TCF4: variants seen among roughly 807,000 people sequenced by gnomAD.
TCF4 encodes SL3-3 enhancer factor 2.
Under a neutral mutation model 82.1 loss-of-function variants are expected in TCF4, and 3 were observed. That is an observed-to-expected ratio of 0.04 (90% confidence interval 0.02 to 0.09). TCF4 has a LOEUF of 0.09. TCF4 is among the 10% of genes least tolerant of loss of function. The pLI is 1.00. For synonymous variants in TCF4, 276 were observed against 309.6 expected (o/e 0.89, Z 1.14); for missense variants, 518 against 852.7 (o/e 0.61, Z 4.89).
At chr18:55,500,937 T>C (rs1304744045) in intron 3 of TCF4, among the ~76,000 whole-genome samples, 2 of 152,154 alleles carry the variant, frequency 1.3e-5, no homozygotes, top group African/African-American at 2.4e-5. Context: ...GAAAGACAAG[T>C]GATAAAGAAA....
At chr18:55,365,360 C>T (rs2086736327) in intron 6 of TCF4, among the ~76,000 whole-genome samples, 1 of 150,624 alleles carries the variant, frequency 6.6e-6, no homozygotes, top group Non-Finnish European at 1.5e-5. Context: ...AGGCTTACTT[C>T]CTTACTGCTT....
At chr18:55,424,840 C>G (rs911727580) in intron 5 of TCF4, among the ~76,000 whole-genome samples, 2 of 152,132 alleles carry the variant, frequency 1.3e-5, no homozygotes, top group Admixed American at 1.3e-4. Flanking sequence ...TGGATACTTT[C>G]CCCAGCTTTA....
chr18:55,360,803 C>A (rs1053385451), intron 6 of TCF4, among the ~76,000 whole-genome samples: 1 of 140,296 alleles, frequency 7.1e-6, no homozygotes, highest in Non-Finnish European at 1.5e-5. Flanking sequence ...TCTTGGCTCA[C>A]TGCAACCTCC....
chr18:55,226,421 G>A lies in TCF4; in HGVS notation c.*1614C>T, dbSNP rs1360450168. On this transcript the variant is annotated 3_prime_UTR_variant, in exon 20 of 20. Coordinates refer to ENST00000354452, the MANE Select transcript of TCF4 (RefSeq NM_001083962.2). ...AAAGTCAATCATTATAAAGATTCAC[G>A]ATGGAAGTTGGTTCAATTGTGCCCA... 1.3e-5 allele frequency: 2 copies of A among 152,518 alleles called. No homozygotes were observed. The highest frequency in any genetic ancestry group is 2.9e-5 in the Non-Finnish European group (2 of 68,004). 9.4% of individuals were successfully genotyped at this position (152,518 alleles called of 1,614,324 possible).
intron 5 of TCF4, among the ~76,000 whole-genome samples, chr18:55,458,730 G>T (rs1478498649): frequency 6.6e-6 from 1 of 152,118 alleles, no homozygotes; most frequent in African/African-American, 2.4e-5. Context: ...ATAGCGATGG[G>T]AAGTTTTTAA....
rs899346229 is a variant in TCF4, at chr18:55,322,207, T to G, written c.549+28152A>C. On this transcript the variant is annotated intron_variant, in intron 8 of 19. Transcript: ENST00000354452. ...GTAAAAGTGGAACAGGGTCCATTATTGAGCAGAATACAAATGCAGTTAATT... is the reference window on the plus strand; with the variant it reads ...GTAAAAGTGGAACAGGGTCCATTATGGAGCAGAATACAAATGCAGTTAATT... 9 of 1,063,482 alleles carry G rather than the reference T, an allele frequency of 8.5e-6. No individual in the cohort carries two copies. The African/African-American group carries it at 1.3e-4, about 16-fold the overall frequency. The allele number at this position is 1,063,482 out of a possible 1,614,324, so 65.9% of individuals were successfully genotyped here. A position where few individuals can be genotyped will look rare whatever the true frequency, so the allele number is the denominator to read the frequency against.
chr18:55,464,901 T>A (rs1455765261), intron 3 of TCF4, among the ~76,000 whole-genome samples: 1 of 152,170 alleles, frequency 6.6e-6, no homozygotes, highest in Non-Finnish European at 1.5e-5. Context: ...CCAGCAAAGT[T>A]TTAATGCTGA....
At chr18:55,463,013 T>C (rs1478346252) in intron 4 of TCF4, among the ~76,000 whole-genome samples, 1 of 152,162 alleles carries the variant, frequency 6.6e-6, no homozygotes, top group African/African-American at 2.4e-5. Flanking sequence ...CTGCCTCTTA[T>C]GCCAAAATGG....
intron 3 of TCF4, among the ~76,000 whole-genome samples, chr18:55,570,211 A>G (rs944499846): frequency 1.8e-4 from 28 of 152,340 alleles, no homozygotes; most frequent in African/African-American, 6.7e-4. Context: ...TCCCAACTGC[A>G]TGGAAAACTT....
At chr18:55,531,166 C>T (rs1339992009) in intron 3 of TCF4, among the ~76,000 whole-genome samples, 1 of 151,950 alleles carries the variant, frequency 6.6e-6, no homozygotes, top group Non-Finnish European at 1.5e-5. Context: ...GTTGGCGAGG[C>T]TGGTCTCCAA....
chr18:55,443,905 A>C (rs2095482934), intron 5 of TCF4, among the ~76,000 whole-genome samples: 1 of 152,138 alleles, frequency 6.6e-6, no homozygotes. Flanking sequence ...GCATTACCTC[A>C]TTTACTTCAC....
At position 55,227,309 on chromosome 18, in the gene TCF4, A is replaced by AT. The variant is rs1029665519; in HGVS notation, c.*725dup. 1 of 150,816 alleles carries AT rather than the reference A, an allele frequency of 6.6e-6. No homozygotes were observed. The highest frequency in any genetic ancestry group is 1.5e-5 in the Non-Finnish European group (1 of 67,740). 9.3% of individuals were successfully genotyped at this position (150,816 alleles called of 1,614,324 possible). On this transcript the variant is annotated 3_prime_UTR_variant, in exon 20 of 20. Transcript: ENST00000354452. ...TCTTTTAAAAAAGTTAATCAGTACT[A>AT]TTTTTTTACAGGAGAAAAAAGTCTG...
Position 55,224,246 on chromosome 18 carries a change from C to G in TCF4, c.*3789G>C, listed in dbSNP as rs2046306065. ...AAGGCCACAGTTCATATATTTTCACCATTACATATGTCTATAATACTTGAA... is the reference window on the plus strand; with the variant it reads ...AAGGCCACAGTTCATATATTTTCACGATTACATATGTCTATAATACTTGAA... On this transcript the variant is annotated 3_prime_UTR_variant, in exon 20 of 20. Transcript: ENST00000354452. 1 of 151,926 alleles carries G rather than the reference C, an allele frequency of 6.6e-6. No homozygotes were observed. The highest frequency in any genetic ancestry group is 1.5e-5 in the Non-Finnish European group (1 of 67,918). 9.4% of individuals were successfully genotyped at this position (151,926 alleles called of 1,614,324 possible). A position where few individuals can be genotyped will look rare whatever the true frequency, so the allele number is the denominator to read the frequency against.
intron 1 of TCF4, among the ~76,000 whole-genome samples, chr18:55,587,436 G>A (rs1358339428): frequency 7.5e-6 from 1 of 134,092 alleles, no homozygotes; most frequent in East Asian, 2.4e-4. Flanking sequence ...ACCAAATCAG[G>A]GAAAGAAAAA....
At chr18:55,592,545 C>T (rs2147928291), upstream of TCF4, among the ~76,000 whole-genome samples, 1 of 152,280 alleles carries the variant, frequency 6.6e-6, no homozygotes, top group South Asian at 2.1e-4. Flanking sequence ...CTAATACTAG[C>T]ACATTGGGAA....
intron 8 of TCF4, among the ~76,000 whole-genome samples, chr18:55,319,990 G>T (rs1222515561): frequency 6.6e-6 from 1 of 152,028 alleles, no homozygotes; most frequent in Non-Finnish European, 1.5e-5. Context: ...TTTCATTACG[G>T]ATAAGGGCTA....
chr18:55,272,619 T>A (rs1312777071), intron 10 of TCF4, among the ~76,000 whole-genome samples: 1 of 152,086 alleles, frequency 6.6e-6, no homozygotes, highest in African/African-American at 2.4e-5. Flanking sequence ...CTGGTGCACA[T>A]AAATAAGAAT....
At chr18:55,265,457 G>A (rs1387102853) in intron 11 of TCF4, 1 of 152,034 alleles carries the variant, frequency 6.6e-6, no homozygotes, top group South Asian at 2.1e-4. Context: ...TTAACAGGAG[G>A]GATTCCTAGG....
chr18:55,585,911 G>C (rs1269846712), intron 2 of TCF4: 1 of 1,242,430 alleles, frequency 8.0e-7, no homozygotes, highest in Non-Finnish European at 1.0e-6. Flanking sequence ...TCTCTCTCCA[G>C]CATTTATTTC....
Sources: gnomAD v4.1 joint callset for allele counts (sites outside exome capture counted in the v4.1 genomes callset) on GRCh38, gnomAD v4.1.1 for gene constraint, MANE v1.5 for transcripts, NCBI Gene and HGNC (gene_info 2026-07-23, HGNC 2026-07-21) for gene names.